DNAH5: variants seen among roughly 807,000 people sequenced by gnomAD.
The protein encoded by DNAH5 is axonemal beta dynein heavy chain 5.
DNAH5 carries 372 observed loss-of-function variants against 518.2 expected under a neutral mutation model. The observed-to-expected ratio is 0.72, with a 90% CI of 0.66 to 0.78. DNAH5 has a LOEUF of 0.78. DNAH5 is among the 30% of genes least tolerant of loss of function. The probability of loss-of-function intolerance (pLI) is 0.00; values close to 1 mark genes in which losing one functional copy is unlikely to be tolerated. For missense variants in DNAH5, 5,523 were observed against 5,687.0 expected (o/e 0.97, Z 0.93); for synonymous variants, 2,039 against 2,025.9 (o/e 1.01, Z -0.17).
Position 13,714,452 on chromosome 5 carries a change from C to G in DNAH5, c.13078G>C (p.Ala4360Pro), listed in dbSNP as rs1744017913. ...ETREAVVARL[A>P]DDMLEKLPPD... ...GGCAGCTTCTCCAGCATATCATCAG[C>G]CAGCCGGGCCACCACCGCCTCCCGG... is the stretch of plus-strand genomic sequence containing the variant. The change falls in exon 75 of 79, where the codon GCT becomes CCT. Residue 4360 changes from alanine to proline, a missense_variant. Transcript: ENST00000265104. 1 of 1,614,018 alleles carries G rather than the reference C, an allele frequency of 6.2e-7. No individual in the cohort carries two copies. Among genetic ancestry groups the G allele is most frequent in the Non-Finnish European group, 8.5e-7 (1 of 1,180,028 alleles).
chr5:13,824,506 A>G (rs1239760740), intron 38 of DNAH5, among the ~76,000 whole-genome samples, 173 bp from the exon 39 acceptor site: 3 of 152,224 alleles, frequency 2.0e-5, no homozygotes, highest in African/African-American at 7.2e-5. Flanking sequence ...TTTTGAGCAA[A>G]TAGGGAATAT....
chr5:13,810,219 C>A lies in DNAH5; in HGVS notation c.7449G>T (p.Leu2483=), dbSNP rs886059974. ...CGCTCCACAGCAGCGCGAACACGAACAGCCGCCCCAGGTGAGCCTGGCTCA... is the reference window on the plus strand; with the variant it reads ...CGCTCCACAGCAGCGCGAACACGAAAAGCCGCCCCAGGTGAGCCTGGCTCA... ...GEVSQAHLGR[L]FVFALLWSAG... is the part of the protein sequence containing the mutation. Residue 2483 remains leucine, a synonymous_variant, in exon 45 of 79, where the codon CTG becomes CTT. Transcript: ENST00000265104. 6.4e-7 allele frequency: 1 copy of A among 1,550,648 alleles called. No individual in the cohort carries two copies. The highest frequency in any genetic ancestry group is 2.4e-5 in the East Asian group (1 of 40,940).
At position 13,727,617 on chromosome 5, in the gene DNAH5, T is replaced by TATCAAACCAAATTTTCCAC; in HGVS notation, c.11904_11922dup (p.Lys3975ValfsTer6). 3.1e-6 allele frequency: 5 copies of TATCAAACCAAATTTTCCAC among 1,613,920 alleles called. No homozygotes were observed. Among genetic ancestry groups the TATCAAACCAAATTTTCCAC allele is most frequent in the Non-Finnish European group, 4.2e-6 (5 of 1,179,860 alleles). On this transcript the variant is annotated stop_gained and frameshift_variant, in exon 70 of 79. Transcript: ENST00000265104. LOFTEE classifies it high-confidence loss of function. ...AGAGGTTCCTCCTCCGGGTTTTCCT[T>TATCAAACCAAATTTTCCAC]ATCAAACCAAATTTTCCACATTTTC...
chr5:13,965,305 C>T (rs529741804), intron 1 of DNAH5, among the ~76,000 whole-genome samples: 4 of 152,100 alleles, frequency 2.6e-5, no homozygotes, highest in Non-Finnish European at 2.9e-5. Context: ...ATAAACTGGA[C>T]ATGATTGATA....
chr5:13,884,914 GCACA>G lies in DNAH5; in HGVS notation c.2983+71_2983+74del, dbSNP rs60385373. 9.5e-3 allele frequency: 13,357 copies of G among 1,406,132 alleles called. 5 individuals carry two copies. The highest frequency in any genetic ancestry group is 0.018 in the East Asian group (543 of 30,956). The allele number at this position is 1,406,132 out of a possible 1,614,324, so 87.1% of individuals were successfully genotyped here. On this transcript the variant is annotated intron_variant, in intron 19 of 78. Coordinates refer to ENST00000265104, the MANE Select transcript of DNAH5 (RefSeq NM_001369.3). ...GGAATGTACATGCACGTGCACACGT[GCACA>G]CACACACACACACACATACCCCAGC...
chr5:13,901,618 T>C, intron 13 of DNAH5, 45 bp from the exon 14 acceptor site: 1 of 1,226,180 alleles, frequency 8.2e-7, no homozygotes, highest in South Asian at 1.4e-5. Flanking sequence ...TGGAATAAAA[T>C]AAATAAAATA....
At position 13,769,148 on chromosome 5, in the gene DNAH5, T is replaced by C. The variant is rs12655133; in HGVS notation, c.9721-12A>G. On this transcript the variant is annotated splice_polypyrimidine_tract_variant and intron_variant, in intron 57 of 78. Coordinates refer to ENST00000265104, the MANE Select transcript of DNAH5 (RefSeq NM_001369.3). ...ACTTCTTTTAAGACCTAATTCAATA[T>C]AAAGCAAGCAATACTTCACCAAACA... is the stretch of plus-strand genomic sequence containing the variant. 1 of 1,613,534 alleles carries C rather than the reference T, an allele frequency of 6.2e-7. No homozygotes were observed. The highest frequency in any genetic ancestry group is 1.1e-5 in the South Asian group (1 of 91,078).
intron 1 of DNAH5, among the ~76,000 whole-genome samples, chr5:13,961,630 C>T (rs1781188461): frequency 6.7e-6 from 1 of 148,880 alleles, no homozygotes; most frequent in Non-Finnish European, 1.5e-5. Flanking sequence ...GGTGACAGAG[C>T]AAGACTCCTT....
intron 21 of DNAH5, among the ~76,000 whole-genome samples, chr5:13,879,988 C>T (rs1771435350): frequency 6.6e-6 from 1 of 152,122 alleles, no homozygotes; most frequent in Non-Finnish European, 1.5e-5. Flanking sequence ...TTCAAAAACA[C>T]TCACACCAAG....
chr5:13,918,574 G>C (rs564193465), intron 7 of DNAH5, among the ~76,000 whole-genome samples: 1 of 152,106 alleles, frequency 6.6e-6, no homozygotes, highest in African/African-American at 2.4e-5. Context: ...GGGTTCAAGC[G>C]ATTCTTCTGC....
rs189472909 is a variant in DNAH5 at position 13,854,337 on chromosome 5, C to T, written c.4951-3522G>A. 1.8e-3 allele frequency among the ~76,000 whole-genome samples: 275 copies of T among 152,272 alleles called. No individual in the cohort carries two copies. The Middle Eastern group carries it at 0.024, about 13-fold the overall frequency. ...CAAGTGATGAGGGACTTTGTCAGCA[C>T]CAGGCCTGCCTTACAAGAGCTCCTG... On this transcript the variant is annotated intron_variant, in intron 30 of 78. Coordinates refer to ENST00000265104, the MANE Select transcript of DNAH5 (RefSeq NM_001369.3).
chr5:13,759,616 G>A (rs991415260), intron 60 of DNAH5, among the ~76,000 whole-genome samples: 8 of 152,260 alleles, frequency 5.3e-5, no homozygotes, highest in Non-Finnish European at 7.4e-5. Context: ...TCTGGAAAGC[G>A]TATTTGATAC....
intron 21 of DNAH5, among the ~76,000 whole-genome samples, chr5:13,877,098 C>T (rs1771002800): frequency 1.3e-5 from 2 of 152,148 alleles, no homozygotes; most frequent in South Asian, 4.1e-4. Context: ...AGTCCCACTG[C>T]CGCTCTCTGG....
chr5:13,799,885 G>A (rs1292752271), intron 47 of DNAH5, among the ~76,000 whole-genome samples: 7 of 151,976 alleles, frequency 4.6e-5, no homozygotes, highest in East Asian at 1.9e-4. Context: ...GTATGTATGT[G>A]TGTATTTATT....
At position 13,864,533 on chromosome 5, in the gene DNAH5, G is replaced by A. The variant is rs761794416; in HGVS notation, c.4460C>T (p.Ala1487Val). 1.2e-6 allele frequency: 2 copies of A among 1,614,040 alleles called. No homozygotes were observed. Among genetic ancestry groups the A allele is most frequent in the Non-Finnish European group, 1.7e-6 (2 of 1,179,994 alleles). The change falls in exon 28 of 79, where the codon GCC becomes GTC. Residue 1487 changes from alanine to valine, a missense_variant. Physicochemically the swap from Ala to Val is moderately conservative, Grantham distance 64. Coordinates refer to ENST00000265104, the MANE Select transcript of DNAH5 (RefSeq NM_001369.3). ...GTGCCGCTCCATCATGGCTTTACTGGCCATGTATTCCAGCAGCGGGCAACA... is the reference window on the plus strand; with the variant it reads ...GTGCCGCTCCATCATGGCTTTACTGACCATGTATTCCAGCAGCGGGCAACA... Reference protein sequence around the residue: ...SECCPLLEYMASKAMMERHWE... With the variant: ...SECCPLLEYMVSKAMMERHWE...
At chr5:13,834,248 C>A (rs1405555394) in intron 35 of DNAH5, among the ~76,000 whole-genome samples, 1 of 151,704 alleles carries the variant, frequency 6.6e-6, no homozygotes, top group Non-Finnish European at 1.5e-5. Context: ...AAAAAAAATA[C>A]AAGACAATGA....
rs760628971 is a variant in DNAH5, at chr5:13,762,756, A to G, written c.10247T>C (p.Phe3416Ser). The G allele has an allele frequency of 6.2e-7, 1 of 1,614,014 alleles. No individual in the cohort carries two copies. The highest frequency in any genetic ancestry group is 8.5e-7 in the Non-Finnish European group (1 of 1,180,008). Residue 3416 changes from phenylalanine (F) to serine (S), a missense_variant, in exon 60 of 79, where the codon TTC (phenylalanine) becomes TCC (serine). Coordinates refer to ENST00000265104, the MANE Select transcript of DNAH5 (RefSeq NM_001369.3). ...CAGTACTTCTTTGTTTATAGAAAAG[A>G]AGGAAGCCATAGCTTTCGTCCAGGA... is the stretch of plus-strand genomic sequence containing the variant. ...LCSWTKAMAS[F>S]FSINKEVLPL...
intron 16 of DNAH5, among the ~76,000 whole-genome samples, chr5:13,891,519 C>A (rs1398282352): frequency 6.6e-6 from 1 of 152,176 alleles, no homozygotes; most frequent in African/African-American, 2.4e-5. Context: ...CTCACTCATA[C>A]TTAAAGATCC....
At chr5:13,750,599 C>T (rs1481294879) in intron 65 of DNAH5, among the ~76,000 whole-genome samples, 1 of 152,154 alleles carries the variant, frequency 6.6e-6, no homozygotes, top group Non-Finnish European at 1.5e-5. Flanking sequence ...ACAGGGCTCT[C>T]TTAGATCACA....
Sources: gnomAD v4.1 joint callset for allele counts (sites outside exome capture counted in the v4.1 genomes callset) on GRCh38, gnomAD v4.1.1 for gene constraint, MANE v1.5 for transcripts, NCBI Gene and HGNC (gene_info 2026-07-23, HGNC 2026-07-21) for gene names.